Variants in MUC20 observed in about 807,000 individuals in gnomAD.
The protein encoded by MUC20 is mucin-20.
In MUC20, 14 loss-of-function variants were observed where a neutral mutation model predicts 23.8. The ratio of observed to expected loss-of-function variants is 0.59; its 90% CI spans 0.39 to 0.92. The LOEUF (loss-of-function observed/expected upper bound fraction) is 0.92, where lower values mean the gene tolerates loss of function less well. Ranked by LOEUF, MUC20 falls within the 40% of genes least tolerant of loss-of-function variation. The pLI is 0.00. For synonymous variants in MUC20, 166 were observed against 279.3 expected, an observed-to-expected ratio of 0.59 and a Z score of 4.04; for missense variants, 375 against 668.8, an observed-to-expected ratio of 0.56 and a Z score of 4.85.
At chr3:195,728,805 A>C (rs912954854) in intron 2 of MUC20, among the ~76,000 whole-genome samples, 1 of 152,200 alleles carries the variant, frequency 6.6e-6, no homozygotes, top group African/African-American at 2.4e-5. Context: ...GGCTTTCCAC[A>C]GTGCATTGTG....
intron 2 of MUC20, 60 bp from the exon 3 acceptor site, chr3:195,729,588 T>C: frequency 6.8e-7 from 1 of 1,476,552 alleles, no homozygotes; most frequent in East Asian, 2.5e-5. Context: ...AGTGCTGGGA[T>C]GACAGGTGTG....
At chr3:195,728,365 G>A (rs1406564591) in intron 2 of MUC20, among the ~76,000 whole-genome samples, 3 of 152,292 alleles carry the variant, frequency 2.0e-5, no homozygotes, top group African/African-American at 4.8e-5. Flanking sequence ...AGAAACATGT[G>A]AGCAAAAGAA....
intron 3 of MUC20, among the ~76,000 whole-genome samples, chr3:195,731,833 C>T (rs1341539811): frequency 2.6e-5 from 4 of 152,242 alleles, no homozygotes; most frequent in Admixed American, 6.5e-5. Context: ...GCAGTGAGGC[C>T]AATCGTGACT....
At chr3:195,726,825 C>T (rs780328137) in intron 2 of MUC20, among the ~76,000 whole-genome samples, 3 of 152,242 alleles carry the variant, frequency 2.0e-5, no homozygotes, top group Non-Finnish European at 2.9e-5. Flanking sequence ...TGTAACAACC[C>T]GAGTGACCTT....
At chr3:195,730,006 C>T (rs1436443338) in intron 3 of MUC20, 2 of 452,886 alleles carry the variant, frequency 4.4e-6, no homozygotes, top group African/African-American at 2.1e-5. Flanking sequence ...GCTTGGCCTT[C>T]TGGCCTCTGA....
At chr3:195,732,230 T>G (rs936006154) in intron 3 of MUC20, among the ~76,000 whole-genome samples, 1 of 152,196 alleles carries the variant, frequency 6.6e-6, no homozygotes, top group Non-Finnish European at 1.5e-5. Context: ...AGGCTAGTCT[T>G]GAACTCTTGA....
intron 2 of MUC20, 24 bp from the exon 3 acceptor site, chr3:195,729,624 C>T (rs750095764): frequency 1.3e-6 from 2 of 1,559,108 alleles, no homozygotes; most frequent in East Asian, 2.4e-5. Flanking sequence ...CCCTGATTTT[C>T]ATCTTACTGT....
At chr3:195,727,593 G>A (rs1010806776) in intron 2 of MUC20, among the ~76,000 whole-genome samples, 1 of 152,280 alleles carries the variant, frequency 6.6e-6, no homozygotes, top group Non-Finnish European at 1.5e-5. Flanking sequence ...CCTTTCTGGG[G>A]GAGGTGGGAA....
chr3:195,733,039 G>A lies in MUC20; in HGVS notation c.2062-111G>A, dbSNP rs892788714. Reference sequence around the variant, plus strand: ...TCCAGCATGTAGGAGGCCCAGGAAGGGTTGCCGTCCTCCGCATGCACTCTG... The same window carrying A: ...TCCAGCATGTAGGAGGCCCAGGAAGAGTTGCCGTCCTCCGCATGCACTCTG... On this transcript the variant is annotated intron_variant, in intron 3 of 3. Coordinates refer to ENST00000447234, the MANE Select transcript of MUC20 (RefSeq NM_001282506.2). 4.2e-6 allele frequency: 5 copies of A among 1,184,478 alleles called. No individual in the cohort carries two copies. In the African/African-American group the frequency reaches 5.9e-5, roughly 14 times the overall value. 73.4% of individuals were successfully genotyped at this position (1,184,478 alleles called of 1,614,324 possible).
At chr3:195,730,357 G>GTTTTTTTTTTTTTTTTTTTTTTTTTTT (rs368667687) in intron 3 of MUC20, among the ~76,000 whole-genome samples, 2 of 151,406 alleles carry the variant, frequency 1.3e-5, no homozygotes, top group Non-Finnish European at 3.0e-5. Context: ...CTTTCTTTTT[G>GTTTTTTTTTTTTTTTTTTTTTTTTTTT]TTTTTTGAGA....
chr3:195,730,484 T>C (rs1296718121), intron 3 of MUC20, among the ~76,000 whole-genome samples: 6 of 151,964 alleles, frequency 3.9e-5, no homozygotes, highest in Non-Finnish European at 8.8e-5. Context: ...TAGCTGGGAC[T>C]ACAGGCGCCC....
chr3:195,728,631 T>G (rs1713002436), intron 2 of MUC20, among the ~76,000 whole-genome samples: 1 of 151,932 alleles, frequency 6.6e-6, no homozygotes, highest in Non-Finnish European at 1.5e-5. Flanking sequence ...CTATCTCAAC[T>G]GCAAGAGGAG....
chr3:195,733,169 C>T lies in MUC20; in HGVS notation c.2081C>T (p.Ala694Val), dbSNP rs1396635727. The T allele has an allele frequency of 3.1e-6, 5 of 1,593,984 alleles. No homozygotes were observed. The highest frequency in any genetic ancestry group is 4.3e-6 in the Non-Finnish European group (5 of 1,171,254). ...LMQQLHRELH[A>V]HAPHFQVSLL... ...CTCCAGCTCCACCGGGAACTCCACG[C>T]CCACGCGCCTCACTTCCAGGTCTCC... The change falls in exon 4 of 4, where the codon GCC becomes GTC. Residue 694 changes from alanine to valine, a missense_variant. Physicochemically the swap from Ala to Val is moderately conservative, Grantham distance 64 (BLOSUM62 0). Coordinates refer to ENST00000447234, the MANE Select transcript of MUC20 (RefSeq NM_001282506.2).
intron 2 of MUC20, among the ~76,000 whole-genome samples, chr3:195,727,729 C>T (rs947907666): frequency 3.9e-5 from 6 of 152,398 alleles, no homozygotes; most frequent in African/African-American, 9.6e-5. Context: ...ACGTTCTCTC[C>T]GGTGCCAGGC....
At chr3:195,723,073 C>T (rs144487488) in intron 1 of MUC20, among the ~76,000 whole-genome samples, 2,600 of 149,318 alleles carry the variant, frequency 0.017, no homozygotes, top group African/African-American at 0.063. Flanking sequence ...CCTGTTTTCT[C>T]AGGTGAGGAC....
In MUC20 at chr3:195,728,401, A is replaced by G. The variant is rs369747803; in HGVS notation, c.1970-1247A>G. Among the ~76,000 whole-genome samples, 10 of 152,288 alleles carry G rather than the reference A, an allele frequency of 6.6e-5. 1 individual carries two copies. In the South Asian group the frequency reaches 8.3e-4, roughly 13 times the overall value. ...TCTGTGTCATAATTAAGTTCAAGGG[A>G]AGATACTATGCCTGGATGTGCACGT... On this transcript the variant is annotated intron_variant, in intron 2 of 3. Transcript: ENST00000447234.
Position 195,733,344 on chromosome 3 carries a change from G to C in MUC20, c.*126G>C. The C allele has an allele frequency of 6.6e-7, 1 of 1,508,650 alleles. No individual in the cohort carries two copies. Among genetic ancestry groups the C allele is most frequent in the Non-Finnish European group, 8.9e-7 (1 of 1,125,198 alleles). The allele number at this position is 1,508,650 out of a possible 1,614,324, so 93.5% of individuals were successfully genotyped here. Reference sequence around the variant, plus strand: ...GAGGTACCCAGAAGGTTCCCATGAAGGGCAGCATGTCCAAGCCCCTGACCC... The same window carrying C: ...GAGGTACCCAGAAGGTTCCCATGAACGGCAGCATGTCCAAGCCCCTGACCC... On this transcript the variant is annotated 3_prime_UTR_variant, in exon 4 of 4. Transcript: ENST00000447234.
chr3:195,727,660 G>A (rs115400399), intron 2 of MUC20, among the ~76,000 whole-genome samples: 5,997 of 151,324 alleles, frequency 0.04, 63 homozygotes, highest in African/African-American at 0.14. Flanking sequence ...TATCTTTCAT[G>A]TTATAGGCAG....
chr3:195,728,940 C>T (rs868149309), intron 2 of MUC20, among the ~76,000 whole-genome samples: 2 of 152,276 alleles, frequency 1.3e-5, no homozygotes, highest in Admixed American at 1.3e-4. Flanking sequence ...TTATACAACA[C>T]ATGTTTTTAT....
Sources: gnomAD v4.1 joint callset for allele counts (sites outside exome capture counted in the v4.1 genomes callset) on GRCh38, gnomAD v4.1.1 for gene constraint, MANE v1.5 for transcripts, NCBI Gene and HGNC (gene_info 2026-07-23, HGNC 2026-07-21) for gene names.